The following DOCK3 variants were observed in gnomAD, a reference collection of about 807,000 sequenced individuals.
DOCK3 encodes the protein dedicator of cytokinesis protein 3.
A neutral mutation model predicts 265.6 loss-of-function variants in DOCK3; 60 were observed. The observed-to-expected ratio is 0.23, with a 90% CI of 0.18 to 0.28. The LOEUF (loss-of-function observed/expected upper bound fraction) is 0.28. Ranked by LOEUF, DOCK3 falls within the 10% of genes least tolerant of loss-of-function variation. DOCK3 has a pLI of 1.00. For missense variants in DOCK3, 1,981 were observed against 2,594.3 expected, an observed-to-expected ratio of 0.76 and a Z score of 5.14; for synonymous variants, 881 against 938.0, an observed-to-expected ratio of 0.94 and a Z score of 1.11.
intron 9 of DOCK3, among the ~76,000 whole-genome samples, chr3:51,121,710 TG>T (rs1230030007): frequency 6.6e-6 from 1 of 152,146 alleles, no homozygotes; most frequent in Non-Finnish European, 1.5e-5. Flanking sequence ...CTGTGGGGAA[TG>T]AGGGAGAGAA....
intron 3 of DOCK3, among the ~76,000 whole-genome samples, chr3:50,862,405 G>A (rs959516746): frequency 6.6e-6 from 1 of 152,210 alleles, no homozygotes; most frequent in African/African-American, 2.4e-5. Context: ...AATCCAGAAG[G>A]TGGTGCTTAA....
rs147735565 is a variant in DOCK3 at position 51,359,848 on chromosome 3, G to A, written c.4885-663G>A. On this transcript the variant is annotated intron_variant, in intron 46 of 52. Coordinates refer to ENST00000266037, the MANE Select transcript of DOCK3 (RefSeq NM_004947.5). The surrounding 1 kb of genome is among the most constrained non-coding windows in gnomAD (Gnocchi z 4.8). ...CTGTTCACTACAGCTTTTGAAGGACGTGAGGAAACCTTAACAGTTGTTTCC... is the reference window on the plus strand; with the variant it reads ...CTGTTCACTACAGCTTTTGAAGGACATGAGGAAACCTTAACAGTTGTTTCC... Among the ~76,000 whole-genome samples, 127 of 152,288 alleles carry A rather than the reference G, an allele frequency of 8.3e-4. No homozygotes were observed. The highest frequency in any genetic ancestry group is 2.9e-3 in the African/African-American group (122 of 41,548).
At chr3:50,873,146 C>T (rs936370825) in intron 3 of DOCK3, among the ~76,000 whole-genome samples, 2 of 152,122 alleles carry the variant, frequency 1.3e-5, no homozygotes, top group Non-Finnish European at 2.9e-5. Context: ...TGCTGAGTTT[C>T]CCCCGAAGCC....
chr3:51,120,493 C>T lies in DOCK3; in HGVS notation c.747-26056C>T, dbSNP rs541563205. ...CTGTCCCTTAGCAGAGCTCAAGCAC[C>T]GTGCTGGGAGATTGCTGCTCTCTGC... is the stretch of plus-strand genomic sequence containing the variant. On this transcript the variant is annotated intron_variant, in intron 9 of 52. Transcript: ENST00000266037. 8.5e-5 allele frequency among the ~76,000 whole-genome samples: 13 copies of T among 152,286 alleles called. No homozygotes were observed. The South Asian group carries it at 1.7e-3, about 19-fold the overall frequency.
chr3:51,186,170 A>G (rs2087590230), intron 12 of DOCK3, among the ~76,000 whole-genome samples: 1 of 152,216 alleles, frequency 6.6e-6, no homozygotes, highest in South Asian at 2.1e-4. Flanking sequence ...AGTGATATGG[A>G]CAATAAGGTC....
At chr3:51,041,340 C>T (rs2080524488) in intron 5 of DOCK3, among the ~76,000 whole-genome samples, 2 of 148,824 alleles carry the variant, frequency 1.3e-5, no homozygotes, top group African/African-American at 4.9e-5. Flanking sequence ...GCCTCAGCCT[C>T]CCAAGTAGCT....
intron 1 of DOCK3, among the ~76,000 whole-genome samples, chr3:50,756,551 A>G (rs1284096315): frequency 1.3e-5 from 2 of 152,106 alleles, no homozygotes; most frequent in Admixed American, 6.6e-5. Context: ...TTATGAGAGC[A>G]TATGTTTTTA....
chr3:51,354,491 C>T (rs1216125268), intron 40 of DOCK3, among the ~76,000 whole-genome samples: 3 of 152,180 alleles, frequency 2.0e-5, no homozygotes, highest in Admixed American at 2.0e-4. Context: ...TGTTGTTGCC[C>T]TGGTTGTCAC....
intron 2 of DOCK3, among the ~76,000 whole-genome samples, chr3:50,781,416 A>T (rs977046602): frequency 2.0e-5 from 3 of 151,560 alleles, no homozygotes; most frequent in Non-Finnish European, 4.4e-5. Flanking sequence ...CAGGTGCACA[A>T]CATCATCAGG....
In DOCK3 at chr3:51,338,565, G is replaced by C. The variant is rs1221194037; in HGVS notation, c.3672+146G>C. ...CAGCTCTGTTACTGGTATCTTAGAGGCCTGCACTCCCCCAAACACATTCCT... is the reference window on the plus strand; with the variant it reads ...CAGCTCTGTTACTGGTATCTTAGAGCCCTGCACTCCCCCAAACACATTCCT... On this transcript the variant is annotated intron_variant, in intron 36 of 52. Coordinates refer to ENST00000266037, the MANE Select transcript of DOCK3 (RefSeq NM_004947.5). The C allele has an allele frequency of 1.8e-5, 15 of 853,586 alleles. No homozygotes were observed. The Admixed American group carries it at 2.6e-4, about 15-fold the overall frequency. 52.9% of individuals were successfully genotyped at this position (853,586 alleles called of 1,614,324 possible).
At chr3:51,137,917 A>T (rs965674025) in intron 9 of DOCK3, among the ~76,000 whole-genome samples, 3 of 152,242 alleles carry the variant, frequency 2.0e-5, no homozygotes, top group African/African-American at 7.2e-5. Context: ...ATGAAATCTC[A>T]TGAGTAAATT....
chr3:51,381,403 C>T lies in DOCK3; in HGVS notation c.5937C>T (p.His1979=), dbSNP rs565926939. 11 of 1,612,360 alleles carry T rather than the reference C, an allele frequency of 6.8e-6. No homozygotes were observed. The highest frequency in any genetic ancestry group is 5.5e-5 in the South Asian group (5 of 91,028). ...DPPALPPKPY[H]PRLPALEHDE... ...CTGCGCTGCCGCCCAAGCCCTACCA[C>T]CCCCGCCTGCCGGCCCTGGAGCACG... Residue 1979 remains histidine (H), a synonymous_variant, in exon 53 of 53, where the codon CAC becomes CAT. Coordinates refer to ENST00000266037, the MANE Select transcript of DOCK3 (RefSeq NM_004947.5). The surrounding 1 kb of genome is among the most constrained non-coding windows in gnomAD (Gnocchi z 5.6).
At chr3:50,873,112 C>T (rs969557927) in intron 3 of DOCK3, among the ~76,000 whole-genome samples, 8 of 152,118 alleles carry the variant, frequency 5.3e-5, no homozygotes, top group African/African-American at 9.7e-5. Flanking sequence ...AAGGCTTGCC[C>T]GGTAGCCAAC....
intron 12 of DOCK3, among the ~76,000 whole-genome samples, chr3:51,163,480 T>C (rs1033122976): frequency 6.6e-6 from 1 of 151,850 alleles, no homozygotes; most frequent in African/African-American, 2.4e-5. Context: ...GCCTTAAAAC[T>C]CACAAATAAA....
At chr3:50,932,798 CAGAGA>C (rs1440093743) in intron 4 of DOCK3, among the ~76,000 whole-genome samples, 3 of 152,182 alleles carry the variant, frequency 2.0e-5, no homozygotes, top group African/African-American at 7.2e-5. Context: ...GACATTTCTT[CAGAGA>C]AGAGTTCATT....
At chr3:51,029,155 A>G (rs1431975891) in intron 5 of DOCK3, among the ~76,000 whole-genome samples, 3 of 151,964 alleles carry the variant, frequency 2.0e-5, no homozygotes, top group Non-Finnish European at 4.4e-5. Context: ...TCATTTCTGC[A>G]TGCTTTCAGA....
intron 21 of DOCK3, among the ~76,000 whole-genome samples, chr3:51,242,388 C>CT (rs2078649493): frequency 6.6e-6 from 1 of 152,184 alleles, no homozygotes; most frequent in African/African-American, 2.4e-5. Context: ...ACAGCTGGAT[C>CT]TATCCCTGTT....
At chr3:50,730,829 T>G (rs1319671497) in intron 1 of DOCK3, among the ~76,000 whole-genome samples, 1 of 147,970 alleles carries the variant, frequency 6.8e-6, no homozygotes, top group Non-Finnish European at 1.5e-5. Flanking sequence ...AGATCCCATC[T>G]CTAAAAAAAT....
At chr3:50,744,221 G>C (rs1027385069) in intron 1 of DOCK3, among the ~76,000 whole-genome samples, 1 of 152,134 alleles carries the variant, frequency 6.6e-6, no homozygotes, top group African/African-American at 2.4e-5. Flanking sequence ...ATACCACTCT[G>C]TGAGCTTGGC....
Sources: gnomAD v4.1 joint callset for allele counts (sites outside exome capture counted in the v4.1 genomes callset) on GRCh38, gnomAD v4.1.1 for gene constraint, Gnocchi (gnomAD v3.1) non-coding constraint, MANE v1.5 for transcripts, NCBI Gene and HGNC (gene_info 2026-07-23, HGNC 2026-07-21) for gene names.